SLC13A4: variants seen among roughly 807,000 people sequenced by gnomAD.
SLC13A4 encodes the protein solute carrier family 13 member 4, also known as Na(+)/sulfate cotransporter SUT-1.
In SLC13A4, 28 loss-of-function variants were observed where a neutral mutation model predicts 72.7. The ratio of observed to expected loss-of-function variants is 0.39; its 90% CI spans 0.29 to 0.53. The LOEUF (loss-of-function observed/expected upper bound fraction) is 0.53. Ranked by LOEUF, SLC13A4 falls within the 20% of genes least tolerant of loss-of-function variation. SLC13A4 has a pLI of 0.78. For synonymous variants in SLC13A4, 312 were observed against 325.5 expected (o/e 0.96, Z 0.45); for missense variants, 653 against 788.0 (o/e 0.83, Z 2.05).
intron 11 of SLC13A4, chr7:135,692,086 CA>C (rs1444837262): frequency 3.7e-6 from 2 of 533,424 alleles, no homozygotes; most frequent in African/African-American, 3.9e-5. Flanking sequence ...ATGAGGTAAC[CA>C]AGCTTCCAAG....
rs1796567125 is a variant in SLC13A4 at position 135,722,386 on chromosome 7, T to C, written c.100-863A>G. Reference sequence around the variant, plus strand: ...TGGTGTGTGCCTGACTGAAGAGAAGTGGATCAGTAAGAAGTGAGATTTATA... The same window carrying C: ...TGGTGTGTGCCTGACTGAAGAGAAGCGGATCAGTAAGAAGTGAGATTTATA... On this transcript the variant is annotated intron_variant, in intron 1 of 15. Coordinates refer to ENST00000682651, the MANE Select transcript of SLC13A4 (RefSeq NM_001318192.2). 3.9e-5 allele frequency among the ~76,000 whole-genome samples: 6 copies of C among 152,204 alleles called. No homozygotes were observed. In the South Asian group the frequency reaches 1.2e-3, roughly 31 times the overall value.
At chr7:135,697,174 C>T (rs1795922023) in intron 8 of SLC13A4, among the ~76,000 whole-genome samples, 1 of 152,238 alleles carries the variant, frequency 6.6e-6, no homozygotes, top group South Asian at 2.1e-4. Flanking sequence ...GCATGGTGGC[C>T]CTGTGTCCCT....
At chr7:135,695,621 CGTT>C in intron 8 of SLC13A4, 134 bp from the exon 9 acceptor site, 5 of 1,019,172 alleles carry the variant, frequency 4.9e-6, no homozygotes, top group Non-Finnish European at 7.1e-6. Context: ...TATGGTAAAA[CGTT>C]GCCTAGGACT....
chr7:135,724,388 T>C (rs1796608078), intron 1 of SLC13A4, among the ~76,000 whole-genome samples: 1 of 151,376 alleles, frequency 6.6e-6, no homozygotes, highest in Non-Finnish European at 1.5e-5. Flanking sequence ...TCCTAGCTGC[T>C]CTGGAGGCTG....
chr7:135,720,663 A>G (rs1238307241), intron 2 of SLC13A4, among the ~76,000 whole-genome samples: 2 of 151,178 alleles, frequency 1.3e-5, no homozygotes, highest in Middle Eastern at 3.5e-3. Flanking sequence ...TGAGATCGTC[A>G]TTCATTTGGT....
At chr7:135,692,173 T>C (rs928943015) in intron 11 of SLC13A4, 150 bp downstream of exon 11, 2 of 675,604 alleles carry the variant, frequency 3.0e-6, no homozygotes, top group Non-Finnish European at 5.2e-6. Flanking sequence ...TTTTCCTTCC[T>C]GATTTCACAC....
At chr7:135,711,843 T>C (rs1420659253) in intron 2 of SLC13A4, among the ~76,000 whole-genome samples, 1 of 151,978 alleles carries the variant, frequency 6.6e-6, no homozygotes, top group Non-Finnish European at 1.5e-5. Flanking sequence ...CTACAACCTC[T>C]GCCTCCTGAG....
intron 1 of SLC13A4, among the ~76,000 whole-genome samples, 171 bp from the exon 2 acceptor site, chr7:135,721,694 TC>T (rs1796553354): frequency 6.6e-6 from 1 of 152,100 alleles, no homozygotes; most frequent in Non-Finnish European, 1.5e-5. Flanking sequence ...ACATGGTGAG[TC>T]CATCCTTTGG....
intron 2 of SLC13A4, among the ~76,000 whole-genome samples, chr7:135,712,238 G>T (rs1796320700): frequency 6.6e-6 from 1 of 151,920 alleles, no homozygotes; most frequent in South Asian, 2.1e-4. Context: ...TATTGGCTCT[G>T]TGCTGGGTGT....
At chr7:135,690,138 G>A (rs58302625) in intron 13 of SLC13A4, among the ~76,000 whole-genome samples, 5,019 of 132,324 alleles carry the variant, frequency 0.038, 299 homozygotes, top group African/African-American at 0.13. Flanking sequence ...CAGAGATGGC[G>A]CCACTGCACT....
intron 1 of SLC13A4, among the ~76,000 whole-genome samples, chr7:135,724,103 G>A (rs1796600789): frequency 6.6e-6 from 1 of 152,200 alleles, no homozygotes; most frequent in Non-Finnish European, 1.5e-5. Context: ...CCCTCACTGG[G>A]GACCCTTATT....
intron 15 of SLC13A4, chr7:135,683,290 C>G (rs1394194119): frequency 2.8e-6 from 2 of 715,616 alleles, no homozygotes; most frequent in East Asian, 3.6e-4. Context: ...GAGTGAGATT[C>G]TGTCTCAAAA....
chr7:135,722,965 C>T (rs1056292017), intron 1 of SLC13A4, among the ~76,000 whole-genome samples: 5 of 152,154 alleles, frequency 3.3e-5, no homozygotes, highest in East Asian at 1.9e-4. Flanking sequence ...CATTTAGGGC[C>T]ACATAGTTTC....
In SLC13A4 at chr7:135,715,231, GTA is replaced by G. The variant is rs1346270897; in HGVS notation, c.228+6162_228+6163del. On this transcript the variant is annotated intron_variant, in intron 2 of 15. Coordinates refer to ENST00000682651, the MANE Select transcript of SLC13A4 (RefSeq NM_001318192.2). ...TGTGCATGAGTGTGTATATGTGAGTGTATGTGTGTATGTGTATGTGTATGAGT... is the reference window on the plus strand; with the variant it reads ...TGTGCATGAGTGTGTATATGTGAGTGTGTGTGTATGTGTATGTGTATGAGT... Among the ~76,000 whole-genome samples, 8 of 134,232 alleles carry G rather than the reference GTA, an allele frequency of 6.0e-5. 1 individual carries two copies. Among genetic ancestry groups the G allele is most frequent in the African/African-American group, 2.0e-4 (8 of 40,180 alleles). 88.1% of individuals were successfully genotyped at this position (134,232 alleles called of 152,430 possible).
At chr7:135,726,060 G>T (rs1231964521) in intron 1 of SLC13A4, among the ~76,000 whole-genome samples, 1 of 152,114 alleles carries the variant, frequency 6.6e-6, no homozygotes, top group Non-Finnish European at 1.5e-5. Flanking sequence ...AGTGGCCAAG[G>T]TCCCCAAAGA....
At chr7:135,708,996 C>A (rs1796234817) in intron 2 of SLC13A4, among the ~76,000 whole-genome samples, 1 of 127,072 alleles carries the variant, frequency 7.9e-6, no homozygotes, top group African/African-American at 3.0e-5. Context: ...GTGGTGCGAT[C>A]TCGGCTCACT....
intron 13 of SLC13A4, 66 bp from the exon 14 acceptor site, chr7:135,685,749 C>G: frequency 6.9e-7 from 1 of 1,453,510 alleles, no homozygotes; most frequent in Non-Finnish European, 9.5e-7. Flanking sequence ...AGATCTTAGA[C>G]TTCAGAAGGT....
intron 4 of SLC13A4, 108 bp downstream of exon 4, chr7:135,706,020 G>C: frequency 1.0e-6 from 1 of 983,010 alleles, no homozygotes; most frequent in Non-Finnish European, 1.5e-6. Flanking sequence ...TGGCTGAGGG[G>C]GTCCTGGGGT....
At chr7:135,684,407 G>T in intron 14 of SLC13A4, 146 bp from the exon 15 acceptor site, 1 of 829,566 alleles carries the variant, frequency 1.2e-6, no homozygotes, top group Non-Finnish European at 1.8e-6. Flanking sequence ...TCTGCCCTCT[G>T]GGGCATGCAG....
Sources: allele counts gnomAD v4.1 joint callset (sites outside exome capture counted in the v4.1 genomes callset), GRCh38; gene constraint gnomAD v4.1.1; transcripts MANE v1.5; gene names NCBI Gene and HGNC (gene_info 2026-07-23, HGNC 2026-07-21).